The following RBM20 variants were observed in gnomAD, a reference collection of about 807,000 sequenced individuals.
RBM20 encodes the protein RNA binding motif protein 20.
Under a neutral mutation model 110.1 loss-of-function variants are expected in RBM20, and 51 were observed. The ratio of observed to expected loss-of-function variants is 0.46; its 90% CI spans 0.37 to 0.59. The LOEUF is 0.59. Among genes scored for constraint, RBM20 ranks in the 20% least tolerant of loss-of-function variants. The pLI is 0.00. For synonymous variants in RBM20, 589 were observed against 618.2 expected (o/e 0.95, Z 0.70); for missense variants, 1,512 against 1,574.9 (o/e 0.96, Z 0.68).
rs587781137 is a variant in RBM20, at chr10:110,821,382, C to T, written c.2763C>T (p.Ile921=). 4 of 1,551,748 alleles carry T rather than the reference C, an allele frequency of 2.6e-6. No individual in the cohort carries two copies. Among genetic ancestry groups the T allele is most frequent in the East Asian group, 2.4e-5 (1 of 40,928 alleles). ...AGGTTGGGGAAGAAGAAGATTTTAT[C>T]GTGGAACCAGACATCCCAGAGCTGG... ...VDEVGEEEDF[I]VEPDIPELEE... The change falls in exon 11 of 14, where the codon ATC becomes ATT. Residue 921 remains isoleucine (I), a synonymous_variant. Coordinates refer to ENST00000369519, the MANE Select transcript of RBM20 (RefSeq NM_001134363.3).
chr10:110,650,110 G>A (rs1255669220), intron 1 of RBM20, among the ~76,000 whole-genome samples: 1 of 152,216 alleles, frequency 6.6e-6, no homozygotes, highest in African/African-American at 2.4e-5. Flanking sequence ...CAAGTGTGGG[G>A]AGAAGTTATC....
At position 110,781,309 on chromosome 10, in the gene RBM20, G is replaced by C; in HGVS notation, c.700G>C (p.Ala234Pro). 6.4e-7 allele frequency: 1 copy of C among 1,551,716 alleles called. No individual in the cohort carries two copies. The highest frequency in any genetic ancestry group is 2.4e-5 in the East Asian group (1 of 40,926). The change falls in exon 2 of 14, where the codon GCC (alanine) becomes CCC (proline). Residue 234 changes from alanine (A) to proline (P), a missense_variant. By Grantham distance (27) the Ala-to-Pro change is conservative. Coordinates refer to ENST00000369519, the MANE Select transcript of RBM20 (RefSeq NM_001134363.3). ...AGCAGGATTCTATGAGTATGGCAAA[G>C]CCAGCTCTGGCCAGACATATGGCCC... ...ATAGFYEYGK[A>P]SSGQTYGPET...
At chr10:110,779,718 C>A (rs555228012) in intron 1 of RBM20, among the ~76,000 whole-genome samples, 4 of 152,284 alleles carry the variant, frequency 2.6e-5, no homozygotes, top group African/African-American at 9.6e-5. Flanking sequence ...CACTGCAGAA[C>A]TGGTTGCTTG....
chr10:110,822,199 T>TGCAG (rs1371620381), intron 11 of RBM20, among the ~76,000 whole-genome samples: 1 of 152,168 alleles, frequency 6.6e-6, no homozygotes, highest in Non-Finnish European at 1.5e-5. Context: ...CTTCTCTGCA[T>TGCAG]TTACAGGAGC....
intron 1 of RBM20, among the ~76,000 whole-genome samples, chr10:110,706,699 C>T (rs956907453): frequency 5.9e-5 from 9 of 152,130 alleles, no homozygotes; most frequent in African/African-American, 2.2e-4. Flanking sequence ...AAACCAATGG[C>T]GATTCTCCTT....
At chr10:110,763,044 G>A (rs1292910825) in intron 1 of RBM20, among the ~76,000 whole-genome samples, 2 of 152,166 alleles carry the variant, frequency 1.3e-5, no homozygotes, top group African/African-American at 4.8e-5. Context: ...CTGAGTCAGC[G>A]GCTGAGGCCA....
At chr10:110,698,282 T>G (rs1284011194) in intron 1 of RBM20, among the ~76,000 whole-genome samples, 1 of 152,196 alleles carries the variant, frequency 6.6e-6, no homozygotes, top group Non-Finnish European at 1.5e-5. Context: ...TGCTCCAGCA[T>G]GCCCTGCACA....
At chr10:110,749,835 A>G (rs10444087) in intron 1 of RBM20, among the ~76,000 whole-genome samples, 116,532 of 151,882 alleles carry the variant, frequency 0.77, 45,193 homozygotes, top group Non-Finnish European at 0.82. Context: ...CACAACACAT[A>G]CCAAGATAAA....
At chr10:110,658,035 T>G (rs1282987811) in intron 1 of RBM20, among the ~76,000 whole-genome samples, 2 of 152,246 alleles carry the variant, frequency 1.3e-5, no homozygotes, top group Non-Finnish European at 2.9e-5. Context: ...TTTTTTCTTC[T>G]GTTGATGAAT....
At chr10:110,753,184 C>T (rs375566639) in intron 1 of RBM20, among the ~76,000 whole-genome samples, 25 of 151,858 alleles carry the variant, frequency 1.6e-4, no homozygotes, top group East Asian at 1.4e-3. Context: ...TGATCCGCCT[C>T]GGCCTCCCAA....
chr10:110,680,010 G>C (rs1039506995), intron 1 of RBM20, among the ~76,000 whole-genome samples: 1 of 152,242 alleles, frequency 6.6e-6, no homozygotes, highest in Non-Finnish European at 1.5e-5. Flanking sequence ...TTTGAGATAA[G>C]GGCACAGTAG....
chr10:110,785,021 C>G (rs2135051497), intron 5 of RBM20, 132 bp downstream of exon 5: 1 of 629,300 alleles, frequency 1.6e-6, no homozygotes, highest in Non-Finnish European at 2.7e-6. Context: ...TGAACTAACT[C>G]CTGGTCCCAA....
At chr10:110,717,857 C>T (rs775587898) in intron 1 of RBM20, among the ~76,000 whole-genome samples, 18 of 152,242 alleles carry the variant, frequency 1.2e-4, no homozygotes, top group Non-Finnish European at 2.4e-4. Flanking sequence ...CTCCATTGCA[C>T]TGGCCCCACT....
chr10:110,676,908 A>T (rs1167379690), intron 1 of RBM20, among the ~76,000 whole-genome samples: 3 of 152,250 alleles, frequency 2.0e-5, no homozygotes, highest in Non-Finnish European at 2.9e-5. Context: ...TCTCAGAGTC[A>T]CTTTAGAATT....
intron 1 of RBM20, among the ~76,000 whole-genome samples, chr10:110,653,441 C>A (rs1193291524): frequency 2.0e-5 from 3 of 152,010 alleles, no homozygotes; most frequent in African/African-American, 7.2e-5. Context: ...ATTTTGTTAT[C>A]ATAGCTCAGG....
chr10:110,822,007 T>C (rs1362595501), intron 11 of RBM20, 72 bp downstream of exon 11: 62 of 1,391,638 alleles, frequency 4.5e-5, no homozygotes, highest in Non-Finnish European at 6.0e-5. Flanking sequence ...AGTATGAGCA[T>C]GTGCAGGCTG....
chr10:110,806,709 A>G (rs1375782033), intron 7 of RBM20, among the ~76,000 whole-genome samples: 1 of 152,248 alleles, frequency 6.6e-6, no homozygotes, highest in Non-Finnish European at 1.5e-5. Flanking sequence ...TTCGGGGTTC[A>G]GTAAACCATT....
intron 7 of RBM20, among the ~76,000 whole-genome samples, chr10:110,803,303 G>T (rs1199334654): frequency 6.6e-6 from 1 of 152,168 alleles, no homozygotes. Context: ...CACTAAAGCT[G>T]CATTGTTATA....
At chr10:110,673,098 A>G (rs546686159) in intron 1 of RBM20, among the ~76,000 whole-genome samples, 1 of 152,322 alleles carries the variant, frequency 6.6e-6, no homozygotes, top group South Asian at 2.1e-4. Flanking sequence ...CTTTCTGGCT[A>G]AAACTTGTTT....
Sources: gnomAD v4.1 joint callset for allele counts (sites outside exome capture counted in the v4.1 genomes callset) on GRCh38, gnomAD v4.1.1 for gene constraint, MANE v1.5 for transcripts, NCBI Gene and HGNC (gene_info 2026-07-23, HGNC 2026-07-21) for gene names.